ITPRID1: variants seen among roughly 807,000 people sequenced by gnomAD.
The protein encoded by ITPRID1 is ITPR interacting domain containing 1, also known as protein ITPRID1.
ITPRID1 carries 96 observed loss-of-function variants against 95.4 expected under a neutral mutation model. The ratio of observed to expected loss-of-function variants is 1.01; its 90% CI spans 0.85 to 1.19. The LOEUF is 1.19. ITPRID1 is among the 50% of genes most tolerant of loss of function. The pLI, the probability that ITPRID1 is intolerant of heterozygous loss-of-function variation, is 0.00. For missense variants in ITPRID1, 1,339 were observed against 1,252.9 expected (o/e 1.07, Z -1.04); for synonymous variants, 510 against 453.6 (o/e 1.12, Z -1.58).
At chr7:31,549,372 A>G in intron 1 of ITPRID1, 54 bp from the exon 2 acceptor site, 1 of 1,283,946 alleles carries the variant, frequency 7.8e-7, no homozygotes, top group African/African-American at 1.5e-5. Flanking sequence ...GGTCAAGTTT[A>G]TTTTCTGTGA....
intron 5 of ITPRID1, among the ~76,000 whole-genome samples, chr7:31,560,373 G>A (rs1392994834): frequency 2.0e-5 from 3 of 152,184 alleles, no homozygotes; most frequent in African/African-American, 7.2e-5. Flanking sequence ...CCTTCAAAGT[G>A]TTACAAAGAA....
intron 6 of ITPRID1, 33 bp from the exon 7 acceptor site, chr7:31,572,069 C>T (rs538025827): frequency 5.7e-6 from 8 of 1,396,314 alleles, no homozygotes; most frequent in Non-Finnish European, 8.1e-6. Context: ...TCTAAATCAA[C>T]ACATCTCATT....
intron 1 of ITPRID1, among the ~76,000 whole-genome samples, chr7:31,515,685 T>C (rs1783021196): frequency 2.6e-5 from 4 of 152,238 alleles, no homozygotes; most frequent in Admixed American, 2.6e-4. Context: ...AACAACTTGA[T>C]GTGATTATTA....
chr7:31,651,422 T>C (rs1186839500), intron 13 of ITPRID1, among the ~76,000 whole-genome samples, 153 bp downstream of exon 13: 1 of 152,112 alleles, frequency 6.6e-6, no homozygotes, highest in Non-Finnish European at 1.5e-5. Context: ...TCTTGCTTTC[T>C]CAGTGGGAGT....
At chr7:31,601,759 GT>G (rs910265985) in intron 10 of ITPRID1, among the ~76,000 whole-genome samples, 1 of 152,122 alleles carries the variant, frequency 6.6e-6, no homozygotes, top group Non-Finnish European at 1.5e-5. Flanking sequence ...TTTTGTTATT[GT>G]TTTGTTTTGG....
chr7:31,599,647 T>TTCTTTCC (rs1554290591), intron 10 of ITPRID1, among the ~76,000 whole-genome samples: 7 of 23,136 alleles, frequency 3.0e-4, no homozygotes, highest in African/African-American at 1.1e-3. Flanking sequence ...CTTTCTTTCT[T>TTCTTTCC]TTTCTTTCTT....
At chr7:31,562,044 TAA>T (rs33912394) in intron 5 of ITPRID1, among the ~76,000 whole-genome samples, 12,489 of 52,684 alleles carry the variant, frequency 0.24, 982 homozygotes, top group Non-Finnish European at 0.31. Context: ...GCTATGTATT[TAA>T]AAAAAAAAAA....
At chr7:31,534,933 T>C (rs988807708) in intron 1 of ITPRID1, among the ~76,000 whole-genome samples, 1 of 152,114 alleles carries the variant, frequency 6.6e-6, no homozygotes, top group Non-Finnish European at 1.5e-5. Flanking sequence ...TTCTTTTAAA[T>C]TTATTTTTAT....
chr7:31,612,512 G>A (rs1786919837), intron 10 of ITPRID1, among the ~76,000 whole-genome samples: 1 of 151,890 alleles, frequency 6.6e-6, no homozygotes. Context: ...GTTGTTTCTG[G>A]TTTGTTTGTT....
intron 10 of ITPRID1, among the ~76,000 whole-genome samples, chr7:31,614,872 T>C (rs1787057982): frequency 1.3e-5 from 2 of 152,206 alleles, no homozygotes; most frequent in Non-Finnish European, 2.9e-5. Flanking sequence ...GCCCCATTTA[T>C]ATTTTTTATC....
intron 10 of ITPRID1, among the ~76,000 whole-genome samples, chr7:31,638,312 T>A (rs966630576): frequency 1.3e-5 from 2 of 152,170 alleles, no homozygotes; most frequent in South Asian, 4.1e-4. Context: ...AATAAATATA[T>A]AGTGAGTATA....
intron 1 of ITPRID1, among the ~76,000 whole-genome samples, chr7:31,522,822 G>A (rs905427948): frequency 2.5e-4 from 38 of 152,292 alleles, no homozygotes; most frequent in Non-Finnish European, 8.8e-5. Flanking sequence ...TATGGCAATT[G>A]AGTGTTCGTT....
chr7:31,619,745 G>C (rs563831844), intron 10 of ITPRID1, among the ~76,000 whole-genome samples: 8 of 152,242 alleles, frequency 5.3e-5, no homozygotes, highest in African/African-American at 1.9e-4. Context: ...GGGAGTGCCA[G>C]ACAGTGGGCG....
In ITPRID1 at chr7:31,561,856, T is replaced by C. The variant is rs563492175; in HGVS notation, c.256+6955T>C. 7.9e-5 allele frequency among the ~76,000 whole-genome samples: 12 copies of C among 152,194 alleles called. No individual in the cohort carries two copies. The South Asian group carries it at 8.3e-4, about 11-fold the overall frequency. ...CACCAACTACACAAGCAAACATGTC[T>C]GAGTCTCAGTTTGGGATGAATATGG... On this transcript the variant is annotated intron_variant, in intron 5 of 14. Coordinates refer to ENST00000615280, the MANE Select transcript of ITPRID1 (RefSeq NM_001257967.3).
intron 10 of ITPRID1, among the ~76,000 whole-genome samples, chr7:31,599,649 T>TTTCTTTC (rs1562598917): frequency 6.7e-5 from 2 of 29,870 alleles, no homozygotes; most frequent in Non-Finnish European, 1.5e-4. Flanking sequence ...TTCTTTCTTT[T>TTTCTTTC]TCTTTCTTTC....
Position 31,624,353 on chromosome 7 carries a change from G to A in ITPRID1, c.1229-17823G>A, listed in dbSNP as rs879680674. 2.4e-3 allele frequency among the ~76,000 whole-genome samples: 359 copies of A among 147,052 alleles called. 1 individual carries two copies. The highest frequency in any genetic ancestry group is 7.6e-3 in the African/African-American group (298 of 39,212). ...AAAAGAACACAGCTGGAGGCATCAC[G>A]CTACCTGACTTCAAACTATACTACA... On this transcript the variant is annotated intron_variant, in intron 10 of 14. Coordinates refer to ENST00000615280, the MANE Select transcript of ITPRID1 (RefSeq NM_001257967.3).
chr7:31,515,225 A>C (rs1287265546), intron 1 of ITPRID1, among the ~76,000 whole-genome samples: 1 of 152,104 alleles, frequency 6.6e-6, no homozygotes, highest in Non-Finnish European at 1.5e-5. Flanking sequence ...TCTCCACTAG[A>C]AAAATACATG....
chr7:31,604,567 G>A (rs1480600009), intron 10 of ITPRID1, among the ~76,000 whole-genome samples: 1 of 152,104 alleles, frequency 6.6e-6, no homozygotes, highest in African/African-American at 2.4e-5. Flanking sequence ...CACACCAAAC[G>A]GGGAACAAAC....
At chr7:31,548,743 A>T (rs1288107721) in intron 1 of ITPRID1, among the ~76,000 whole-genome samples, 1 of 152,152 alleles carries the variant, frequency 6.6e-6, no homozygotes, top group Non-Finnish European at 1.5e-5. Context: ...CCAGCCTCTC[A>T]GGACTGGTCT....
Sources: allele counts gnomAD v4.1 joint callset (sites outside exome capture counted in the v4.1 genomes callset), GRCh38; gene constraint gnomAD v4.1.1; transcripts MANE v1.5; gene names NCBI Gene and HGNC (gene_info 2026-07-23, HGNC 2026-07-21).